Variants in D2HGDH observed in about 807,000 individuals in gnomAD.
The protein encoded by D2HGDH is D-2-hydroxyglutarate dehydrogenase, also known as D-2-hydroxyglutarate dehydrogenase, mitochondrial.
Under a neutral mutation model 46.9 loss-of-function variants are expected in D2HGDH, and 31 were observed. That is an observed-to-expected ratio of 0.66 (90% CI 0.50 to 0.89). The LOEUF is 0.89. Ranked by LOEUF, D2HGDH falls within the 40% of genes least tolerant of loss-of-function variation. The probability of loss-of-function intolerance (pLI) is 0.00; values close to 1 mark genes in which losing one functional copy is unlikely to be tolerated. For synonymous variants in D2HGDH, 364 were observed against 332.6 expected, an observed-to-expected ratio of 1.09 and a Z score of -1.03; for missense variants, 698 against 720.8, an observed-to-expected ratio of 0.97 and a Z score of 0.36.
Position 241,768,161 on chromosome 2 carries a change from G to A in D2HGDH, c.*192G>A. ...GCAGGAGCATCTGGCAGAGTGGGGG[G>A]CGTGGCAGGCACCCTCCTTTGCAGG... On this transcript the variant is annotated 3_prime_UTR_variant, in exon 10 of 10. Transcript: ENST00000321264. 2.3e-6 allele frequency: 2 copies of A among 867,952 alleles called. No individual in the cohort carries two copies. Among genetic ancestry groups the A allele is most frequent in the Non-Finnish European group, 3.4e-6 (2 of 583,408 alleles). 53.8% of individuals were successfully genotyped at this position (867,952 alleles called of 1,614,324 possible).
chr2:241,767,518 G>GAGGGGGGAGAAGTTGGGGAGAGAAC, intron 9 of D2HGDH, among the ~76,000 whole-genome samples, 192 bp from the exon 10 acceptor site: 1 of 151,748 alleles, frequency 6.6e-6, no homozygotes, highest in Admixed American at 6.5e-5. Context: ...GGGGAGAGAA[G>GAGGGGGGAGAAGTTGGGGAGAGAAC]CAGGGAGAAG....
At chr2:241,755,794 TC>T in intron 8 of D2HGDH, 54 bp from the exon 9 acceptor site, 1 of 1,610,702 alleles carries the variant, frequency 6.2e-7, no homozygotes, top group Non-Finnish European at 8.5e-7. Flanking sequence ...GTGCCCCCTG[TC>T]CCCGGGTGTC....
At chr2:241,762,069 CTTTTTTTTTT>C (rs564362722) in intron 9 of D2HGDH, among the ~76,000 whole-genome samples, 2 of 108,166 alleles carry the variant, frequency 1.8e-5, no homozygotes, top group African/African-American at 8.3e-5. Flanking sequence ...TTTTCTTTTC[CTTTTTTTTTT>C]TTTTTTTTTT....
At chr2:241,749,511 G>C in intron 6 of D2HGDH, 3 of 607,612 alleles carry the variant, frequency 4.9e-6, no homozygotes, top group Non-Finnish European at 4.8e-6. Flanking sequence ...CCAGGGCAGC[G>C]GCCTCACTGG....
In D2HGDH at chr2:241,768,140, G is replaced by A. The variant is rs886055849; in HGVS notation, c.*171G>A. 21 of 1,063,142 alleles carry A rather than the reference G, an allele frequency of 2.0e-5. No individual in the cohort carries two copies. The highest frequency in any genetic ancestry group is 3.2e-5 in the African/African-American group (2 of 62,198). 65.9% of individuals were successfully genotyped at this position (1,063,142 alleles called of 1,614,324 possible). A position where few individuals can be genotyped will look rare whatever the true frequency, so the allele number is the denominator to read the frequency against. On this transcript the variant is annotated 3_prime_UTR_variant, in exon 10 of 10. Coordinates refer to ENST00000321264, the MANE Select transcript of D2HGDH (RefSeq NM_152783.5). ...CTGCCGGACGCAGGCCCTCGGGCAG[G>A]AGCATCTGGCAGAGTGGGGGGCGTG...
chr2:241,736,973 C>A (rs1252243392), intron 2 of D2HGDH, among the ~76,000 whole-genome samples: 1 of 151,002 alleles, frequency 6.6e-6, no homozygotes, highest in Non-Finnish European at 1.5e-5. Flanking sequence ...ACCGTTTTTT[C>A]TTTTTGTTTT....
chr2:241,752,286 G>T (rs542999763), intron 8 of D2HGDH, among the ~76,000 whole-genome samples: 1 of 152,172 alleles, frequency 6.6e-6, no homozygotes, highest in Non-Finnish European at 1.5e-5. Context: ...GGGCTCACTT[G>T]TGTGTCCTGA....
At chr2:241,753,720 G>A (rs1423165987) in intron 8 of D2HGDH, among the ~76,000 whole-genome samples, 3 of 152,248 alleles carry the variant, frequency 2.0e-5, no homozygotes, top group South Asian at 2.1e-4. Flanking sequence ...TAGTGACCAC[G>A]GCGGGTCTCA....
Position 241,742,717 on chromosome 2 carries a change from C to A in D2HGDH, c.490+143C>A. 9.1e-7 allele frequency: 1 copy of A among 1,102,878 alleles called. No homozygotes were observed. The allele number at this position is 1,102,878 out of a possible 1,614,324, so 68.3% of individuals were successfully genotyped here. ...TGGGGAAAGAACCAGCGTCTGTAGC[C>A]TGGCCGCCTAGCCCCACCTCGCCCG... is the stretch of plus-strand genomic sequence containing the variant. On this transcript the variant is annotated intron_variant, in intron 4 of 9. Coordinates refer to ENST00000321264, the MANE Select transcript of D2HGDH (RefSeq NM_152783.5). This position sits in a 1 kb window ranked among gnomAD's most constrained non-coding sequence, Gnocchi z 4.8.
chr2:241,760,850 C>T (rs1048432594), intron 9 of D2HGDH, among the ~76,000 whole-genome samples: 1 of 152,282 alleles, frequency 6.6e-6, no homozygotes. Flanking sequence ...AGACTTAGCT[C>T]CCTCAGTCAC....
intron 9 of D2HGDH, among the ~76,000 whole-genome samples, chr2:241,761,524 G>A (rs951944132): frequency 2.0e-5 from 3 of 152,164 alleles, no homozygotes; most frequent in African/African-American, 7.2e-5. Flanking sequence ...GGGCAAAAGA[G>A]CGAAACTCCG....
chr2:241,754,801 C>A, intron 8 of D2HGDH: 1 of 294,442 alleles, frequency 3.4e-6, no homozygotes, highest in Non-Finnish European at 6.6e-6. Context: ...CGGGGTCTCC[C>A]TGTGTGGCTC....
intron 6 of D2HGDH, among the ~76,000 whole-genome samples, chr2:241,745,248 A>C (rs1464163369): frequency 6.6e-6 from 1 of 152,156 alleles, no homozygotes; most frequent in African/African-American, 2.4e-5. Flanking sequence ...TACTGTGGGG[A>C]TAAAGAATTC....
At chr2:241,738,875 T>A (rs1047863976) in intron 2 of D2HGDH, among the ~76,000 whole-genome samples, 5 of 152,226 alleles carry the variant, frequency 3.3e-5, no homozygotes, top group Admixed American at 6.5e-5. Context: ...GATGTGAGGC[T>A]TAGTTGTTGA....
intron 2 of D2HGDH, chr2:241,735,926 C>G (rs1484890656): frequency 8.4e-6 from 2 of 237,786 alleles, no homozygotes; most frequent in Non-Finnish European, 1.7e-5. Flanking sequence ...CCACGTTCCG[C>G]TAATTTTTGT....
chr2:241,735,110 A>C lies in D2HGDH; in HGVS notation c.-92-23A>C, dbSNP rs921879238. On this transcript the variant is annotated intron_variant, in intron 1 of 9. Coordinates refer to ENST00000321264, the MANE Select transcript of D2HGDH (RefSeq NM_152783.5). ...ATTTGTACAACGTGCATAAAACATG[A>C]AATTACCCTTGGCCACTTCCAGGCG... 69 of 1,145,774 alleles carry C rather than the reference A, an allele frequency of 6.0e-5. 2 individuals are homozygous for C. The South Asian group carries it at 9.9e-4, about 16-fold the overall frequency. 71.0% of individuals were successfully genotyped at this position (1,145,774 alleles called of 1,614,324 possible).
intron 6 of D2HGDH, chr2:241,748,899 C>T: frequency 3.8e-6 from 5 of 1,299,024 alleles, no homozygotes; most frequent in Non-Finnish European, 5.1e-6. Context: ...GTCCTGGGAG[C>T]CCGAGGCCAG....
At chr2:241,758,540 C>T (rs1466166404) in intron 9 of D2HGDH, among the ~76,000 whole-genome samples, 1 of 152,050 alleles carries the variant, frequency 6.6e-6, no homozygotes, top group Non-Finnish European at 1.5e-5. Context: ...TGCAGTGGCT[C>T]ACCACAGCCT....
rs180722935 is a variant in D2HGDH, at chr2:241,760,671, G to A, written c.1306+4657G>A. On this transcript the variant is annotated intron_variant, in intron 9 of 9. Coordinates refer to ENST00000321264, the MANE Select transcript of D2HGDH (RefSeq NM_152783.5). ...GTGGGTGGGCCTTACCCAATCAGTC[G>A]AAGGACTTCGACACAGCGTGGGTGG... is the stretch of plus-strand genomic sequence containing the variant. Among the ~76,000 whole-genome samples, 14 of 150,746 alleles carry A rather than the reference G, an allele frequency of 9.3e-5. No individual in the cohort carries two copies. The East Asian group carries it at 2.5e-3, about 27-fold the overall frequency.
Sources: gnomAD v4.1 joint callset for allele counts (sites outside exome capture counted in the v4.1 genomes callset) on GRCh38, gnomAD v4.1.1 for gene constraint, Gnocchi (gnomAD v3.1) non-coding constraint, MANE v1.5 for transcripts, NCBI Gene and HGNC (gene_info 2026-07-23, HGNC 2026-07-21) for gene names.